MOB1B: variants seen among roughly 807,000 people sequenced by gnomAD.
MOB1B encodes the protein MOB kinase activator 1B.
MOB1B carries 19 observed loss-of-function variants against 24.4 expected under a neutral mutation model. The observed-to-expected ratio is 0.78, with a 90% CI of 0.54 to 1.14. The LOEUF (loss-of-function observed/expected upper bound fraction) is 1.14, where lower values mean the gene tolerates loss of function less well. MOB1B is among the 50% of genes most tolerant of loss of function. MOB1B has a pLI of 0.00. For missense variants in MOB1B, 243 were observed against 259.6 expected, an observed-to-expected ratio of 0.94 and a Z score of 0.44; for synonymous variants, 76 against 82.1, an observed-to-expected ratio of 0.93 and a Z score of 0.40.
At chr4:70,981,843 G>T in intron 5 of MOB1B, 137 bp from the exon 6 acceptor site, 1 of 608,904 alleles carries the variant, frequency 1.6e-6, no homozygotes. Context: ...CACAGACCTA[G>T]TGAACAAGAA....
At position 70,987,785 on chromosome 4, in the gene MOB1B, T is replaced by C. The variant is rs1401907598; in HGVS notation, c.*5728T>C. On this transcript the variant is annotated 3_prime_UTR_variant, in exon 6 of 6. Transcript: ENST00000309395. ...GTAATGGAAGAATAAGGGCGGCATT[T>C]ACACTGTGCAAGTATTGAGAAGAGT... 1 of 152,564 alleles carries C rather than the reference T, an allele frequency of 6.6e-6. No individual in the cohort carries two copies. The highest frequency in any genetic ancestry group is 1.5e-5 in the Non-Finnish European group (1 of 68,018). 9.5% of individuals were successfully genotyped at this position (152,564 alleles called of 1,614,324 possible). A position where few individuals can be genotyped will look rare whatever the true frequency, so the allele number is the denominator to read the frequency against.
In MOB1B at chr4:70,904,322, T is replaced by C. The variant is rs184806981; in HGVS notation, c.14+1772T>C. ...TAGTTCTAATCACCATATTCAGGTA[T>C]CTCAACTTGAAGCTTCTCATCTTGA... On this transcript the variant is annotated intron_variant, in intron 1 of 5. Coordinates refer to ENST00000309395, the MANE Select transcript of MOB1B (RefSeq NM_173468.4). Among the ~76,000 whole-genome samples, 19 of 152,172 alleles carry C rather than the reference T, an allele frequency of 1.2e-4. No homozygotes were observed. In the East Asian group the frequency reaches 3.5e-3, roughly 28 times the overall value.
chr4:70,937,997 C>T (rs547108921), intron 1 of MOB1B, among the ~76,000 whole-genome samples: 363 of 150,938 alleles, frequency 2.4e-3, no homozygotes, highest in African/African-American at 8.5e-3. Context: ...TTCTTTTTTT[C>T]CTATCGCTAA....
At chr4:70,939,045 TC>T (rs1374918654) in intron 1 of MOB1B, among the ~76,000 whole-genome samples, 8 of 152,254 alleles carry the variant, frequency 5.3e-5, no homozygotes, top group Admixed American at 3.3e-4. Context: ...TGCTGAACAG[TC>T]AAAGTTGGAA....
At chr4:70,960,820 G>T (rs530250013) in intron 2 of MOB1B, among the ~76,000 whole-genome samples, 1 of 152,114 alleles carries the variant, frequency 6.6e-6, no homozygotes, top group Non-Finnish European at 1.5e-5. Flanking sequence ...GTGCCTTTTT[G>T]TAAAATTTGA....
intron 2 of MOB1B, among the ~76,000 whole-genome samples, chr4:70,966,886 C>A (rs1738554579): frequency 1.3e-5 from 2 of 151,696 alleles, no homozygotes; most frequent in African/African-American, 4.8e-5. Flanking sequence ...ATAAATTGGT[C>A]ATTGTAATTC....
At chr4:70,910,176 G>T (rs1167398497) in intron 1 of MOB1B, among the ~76,000 whole-genome samples, 1 of 151,526 alleles carries the variant, frequency 6.6e-6, no homozygotes, top group African/African-American at 2.4e-5. Context: ...GAGTAGCTGG[G>T]ACTACAGGCG....
At chr4:70,949,925 T>A (rs1560650702) in intron 1 of MOB1B, among the ~76,000 whole-genome samples, 1 of 149,580 alleles carries the variant, frequency 6.7e-6, no homozygotes, top group Non-Finnish European at 1.5e-5. Flanking sequence ...AATACATAAA[T>A]AAAATTACAA....
intron 1 of MOB1B, 192 bp from the exon 2 acceptor site, chr4:70,958,682 T>G (rs1160801148): frequency 2.8e-6 from 2 of 713,784 alleles, no homozygotes; most frequent in East Asian, 2.7e-5. Flanking sequence ...AGCTTAAAAA[T>G]TTTTCTTTTT....
chr4:70,966,809 T>C (rs895076694), intron 2 of MOB1B, among the ~76,000 whole-genome samples: 2 of 151,536 alleles, frequency 1.3e-5, no homozygotes, highest in East Asian at 3.9e-4. Flanking sequence ...GAGCTCTGAC[T>C]GCATCCCAAG....
chr4:70,974,292 T>A (rs577690048), intron 3 of MOB1B, among the ~76,000 whole-genome samples: 2 of 152,164 alleles, frequency 1.3e-5, no homozygotes, highest in South Asian at 4.1e-4. Context: ...TTAGTAGAGA[T>A]GGGGTTTCAC....
chr4:70,958,969 G>A lies in MOB1B; in HGVS notation c.110G>A (p.Gly37Asp). The A allele has an allele frequency of 6.2e-6, 10 of 1,614,102 alleles. No homozygotes were observed. The highest frequency in any genetic ancestry group is 8.5e-6 in the Non-Finnish European group (10 of 1,180,004). The stretch of plus-strand genomic sequence containing the variant: ...TTAAAACACGCAGAAGCCACACTTG[G>A]CAGTGGCAACCTTCGGATGGCTGTC... ...ELLKHAEATL[G>D]SGNLRMAVML... Residue 37 changes from glycine to aspartate, a missense_variant, in exon 2 of 6, where the codon GGC becomes GAC. Coordinates refer to ENST00000309395, the MANE Select transcript of MOB1B (RefSeq NM_173468.4).
chr4:70,927,880 C>G (rs1411647483), intron 1 of MOB1B, among the ~76,000 whole-genome samples: 1 of 152,156 alleles, frequency 6.6e-6, no homozygotes, highest in African/African-American at 2.4e-5. Flanking sequence ...TGTTTGCTTA[C>G]CACTCCAGCC....
rs1162899253 is a variant in MOB1B, at chr4:70,983,819, T to C, written c.*1762T>C. The C allele has an allele frequency of 6.6e-6, 1 of 152,594 alleles. No individual in the cohort carries two copies. Among genetic ancestry groups the C allele is most frequent in the Non-Finnish European group, 1.5e-5 (1 of 67,976 alleles). 9.5% of individuals were successfully genotyped at this position (152,594 alleles called of 1,614,324 possible). On this transcript the variant is annotated 3_prime_UTR_variant, in exon 6 of 6. Coordinates refer to ENST00000309395, the MANE Select transcript of MOB1B (RefSeq NM_173468.4). ...CAACAGTAGAAGTAACAGGAAAGCC[T>C]GGCAGAGTTAAATATCTTGGACATT... is the stretch of plus-strand genomic sequence containing the variant.
chr4:70,970,301 C>G (rs555082714), intron 3 of MOB1B, among the ~76,000 whole-genome samples: 1 of 152,254 alleles, frequency 6.6e-6, no homozygotes, highest in African/African-American at 2.4e-5. Flanking sequence ...TGCTTATTCT[C>G]TTCTTCTCTT....
At chr4:70,961,119 T>C (rs1738284276) in intron 2 of MOB1B, among the ~76,000 whole-genome samples, 1 of 152,182 alleles carries the variant, frequency 6.6e-6, no homozygotes, top group Non-Finnish European at 1.5e-5. Context: ...TAATTTAAAA[T>C]TTATTAAAGA....
intron 1 of MOB1B, among the ~76,000 whole-genome samples, chr4:70,919,561 C>T (rs1736339761): frequency 6.6e-6 from 1 of 152,106 alleles, no homozygotes; most frequent in African/African-American, 2.4e-5. Context: ...TGCAGTGGCG[C>T]TATCTCGGCT....
At chr4:70,902,069 C>T (rs1393130397), upstream of MOB1B, among the ~76,000 whole-genome samples, 1 of 152,186 alleles carries the variant, frequency 6.6e-6, no homozygotes, top group Non-Finnish European at 1.5e-5. Context: ...CTCTGGAGCC[C>T]AGCTGAGCGG....
intron 1 of MOB1B, among the ~76,000 whole-genome samples, chr4:70,902,753 C>G (rs1735568883): frequency 6.6e-6 from 1 of 152,220 alleles, no homozygotes; most frequent in Non-Finnish European, 1.5e-5. Flanking sequence ...GCTTCGAGTA[C>G]TCGTGGGCTC....
Sources: allele counts gnomAD v4.1 joint callset (sites outside exome capture counted in the v4.1 genomes callset), GRCh38; gene constraint gnomAD v4.1.1; transcripts MANE v1.5; gene names NCBI Gene and HGNC (gene_info 2026-07-23, HGNC 2026-07-21).